ASCC3: variants seen among roughly 807,000 people sequenced by gnomAD.
ASCC3 encodes the protein ASC-1 complex subunit P200.
In ASCC3, 158 loss-of-function variants were observed where a neutral mutation model predicts 256.3. The ratio of observed to expected loss-of-function variants is 0.62; its 90% confidence interval spans 0.54 to 0.70. ASCC3 has a LOEUF of 0.70. ASCC3 is among the 30% of genes least tolerant of loss of function. The probability of loss-of-function intolerance (pLI) is 0.00; values close to 1 mark genes in which losing one functional copy is unlikely to be tolerated. For synonymous variants in ASCC3, 948 were observed against 883.4 expected (o/e 1.07, Z -1.30); for missense variants, 2,259 against 2,626.0 (o/e 0.86, Z 3.05).
At chr6:100,512,972 G>A (rs569643905) in intron 39 of ASCC3, 54 bp from the exon 40 acceptor site, 24 of 1,477,232 alleles carry the variant, frequency 1.6e-5, no homozygotes, top group Non-Finnish European at 2.1e-5. Flanking sequence ...GAAATGCAAT[G>A]ATCAATTAAG....
intron 37 of ASCC3, among the ~76,000 whole-genome samples, chr6:100,534,109 T>G (rs1775050673): frequency 6.6e-6 from 1 of 152,178 alleles, no homozygotes; most frequent in African/African-American, 2.4e-5. Flanking sequence ...CCAGGCGTGG[T>G]GGCTTGCACC....
intron 10 of ASCC3, among the ~76,000 whole-genome samples, chr6:100,734,414 A>C (rs1353717575): frequency 6.6e-6 from 1 of 152,176 alleles, no homozygotes; most frequent in Non-Finnish European, 1.5e-5. Context: ...ATGTGATGTA[A>C]TTATTATAAA....
chr6:100,722,830 G>A (rs1025085538), intron 11 of ASCC3, among the ~76,000 whole-genome samples: 2 of 151,762 alleles, frequency 1.3e-5, no homozygotes, highest in Non-Finnish European at 3.0e-5. Context: ...GTAAAGAAGA[G>A]CACACAGTTC....
At chr6:100,862,587 C>A (rs902780051) in intron 3 of ASCC3, among the ~76,000 whole-genome samples, 7 of 152,096 alleles carry the variant, frequency 4.6e-5, no homozygotes, top group African/African-American at 1.7e-4. Flanking sequence ...TCTCTCTCTA[C>A]CAAGGAATCA....
In ASCC3 at chr6:100,662,114, A is replaced by G. The variant is rs73502928; in HGVS notation, c.2479-84T>C. On this transcript the variant is annotated intron_variant, in intron 15 of 41. Coordinates refer to ENST00000369162, the MANE Select transcript of ASCC3 (RefSeq NM_006828.4). Reference sequence around the variant, plus strand: ...AACTGAATACTGAAATTAGGCAAATATGGCAAGATCTCAAAAGTGTACTTT... The same window carrying G: ...AACTGAATACTGAAATTAGGCAAATGTGGCAAGATCTCAAAAGTGTACTTT... The G allele has an allele frequency of 3.7e-4, 508 of 1,360,726 alleles. 3 individuals are homozygous for G. In the African/African-American group the frequency reaches 6.5e-3, roughly 18 times the overall value. 84.3% of individuals were successfully genotyped at this position (1,360,726 alleles called of 1,614,324 possible). A position where few individuals can be genotyped will look rare whatever the true frequency, so the allele number is the denominator to read the frequency against.
intron 3 of ASCC3, chr6:100,858,801 T>C (rs1773083410): frequency 5.8e-6 from 4 of 686,230 alleles, no homozygotes; most frequent in Non-Finnish European, 8.1e-6. Flanking sequence ...TGAGATCTAA[T>C]ATTACCTAAT....
intron 1 of ASCC3, among the ~76,000 whole-genome samples, chr6:100,871,805 G>A (rs941057514): frequency 6.6e-6 from 1 of 152,090 alleles, no homozygotes; most frequent in African/African-American, 2.4e-5. Flanking sequence ...TTCTCAATGG[G>A]GGTCTGTAAG....
chr6:100,552,404 A>C (rs1562113287), intron 36 of ASCC3, among the ~76,000 whole-genome samples: 1 of 152,026 alleles, frequency 6.6e-6, no homozygotes, highest in South Asian at 2.1e-4. Context: ...CATTTTATTC[A>C]AGTAACCATA....
chr6:100,697,130 A>G (rs1778124744), intron 13 of ASCC3, among the ~76,000 whole-genome samples: 1 of 152,170 alleles, frequency 6.6e-6, no homozygotes, highest in Non-Finnish European at 1.5e-5. Flanking sequence ...TGCATTGGCT[A>G]CATGCACATA....
At chr6:100,650,417 G>A (rs2114909786) in intron 20 of ASCC3, 121 bp downstream of exon 20, 1 of 983,124 alleles carries the variant, frequency 1.0e-6, no homozygotes, top group Non-Finnish European at 1.6e-6. Flanking sequence ...ACAGTTCTAA[G>A]TAAAATGGTG....
At chr6:100,543,144 T>C (rs987037675) in intron 36 of ASCC3, among the ~76,000 whole-genome samples, 27 of 152,282 alleles carry the variant, frequency 1.8e-4, no homozygotes, top group African/African-American at 6.0e-4. Context: ...TTATATAAAA[T>C]GTGTAGTATT....
intron 13 of ASCC3, among the ~76,000 whole-genome samples, chr6:100,692,975 C>A (rs1377351620): frequency 6.6e-6 from 1 of 151,536 alleles, no homozygotes; most frequent in Non-Finnish European, 1.5e-5. Context: ...ATAAATATAA[C>A]CTACAATTTA....
intron 34 of ASCC3, among the ~76,000 whole-genome samples, chr6:100,594,848 T>C (rs777639351): frequency 6.6e-6 from 1 of 152,006 alleles, no homozygotes; most frequent in Non-Finnish European, 1.5e-5. Context: ...CAATGGAATA[T>C]TTAAAAAAGA....
intron 38 of ASCC3, among the ~76,000 whole-genome samples, chr6:100,516,701 A>G (rs1047369312): frequency 7.2e-5 from 11 of 152,212 alleles, no homozygotes; most frequent in Non-Finnish European, 1.5e-4. Flanking sequence ...TTACTTAAAT[A>G]AAGTTTTAAA....
chr6:100,564,941 C>T (rs1465308889), intron 36 of ASCC3, among the ~76,000 whole-genome samples: 2 of 152,056 alleles, frequency 1.3e-5, no homozygotes, highest in African/African-American at 4.8e-5. Flanking sequence ...TGAAGTAATG[C>T]TTTGTGTAAC....
At chr6:100,725,994 A>C (rs1182868127) in intron 10 of ASCC3, among the ~76,000 whole-genome samples, 1 of 150,994 alleles carries the variant, frequency 6.6e-6, no homozygotes, top group Non-Finnish European at 1.5e-5. Flanking sequence ...TACAATGTAA[A>C]AAAAAAAAAA....
intron 36 of ASCC3, among the ~76,000 whole-genome samples, chr6:100,577,898 G>C (rs775477795): frequency 2.0e-5 from 3 of 152,046 alleles, no homozygotes; most frequent in Non-Finnish European, 4.4e-5. Context: ...GGGTAGAATA[G>C]TGAGCAACGA....
intron 36 of ASCC3, among the ~76,000 whole-genome samples, chr6:100,580,669 T>A (rs1028037782): frequency 4.6e-5 from 7 of 151,868 alleles, no homozygotes; most frequent in African/African-American, 1.7e-4. Context: ...GCCATGCTGG[T>A]GCGCTGCACC....
chr6:100,818,568 C>CAAA (rs529493065), intron 4 of ASCC3, among the ~76,000 whole-genome samples: 1,343 of 103,168 alleles, frequency 0.013, 23 homozygotes, highest in African/African-American at 0.048. Flanking sequence ...GACTCCGTCT[C>CAAA]AAAAAAAAAA....
Sources: allele counts gnomAD v4.1 joint callset (sites outside exome capture counted in the v4.1 genomes callset), GRCh38; gene constraint gnomAD v4.1.1; transcripts MANE v1.5; gene names NCBI Gene and HGNC (gene_info 2026-07-23, HGNC 2026-07-21).